CECR2: variants seen among roughly 807,000 people sequenced by gnomAD.
CECR2 encodes the protein CECR2 histone acetyl-lysine reader.
CECR2 carries 30 observed loss-of-function variants against 154.5 expected under a neutral mutation model. The observed-to-expected ratio is 0.19, with a 90% confidence interval of 0.15 to 0.26. The LOEUF (loss-of-function observed/expected upper bound fraction) is 0.26, where lower values mean the gene tolerates loss of function less well. Ranked by LOEUF, CECR2 falls within the 10% of genes least tolerant of loss-of-function variation. CECR2 has a pLI of 1.00. For synonymous variants in CECR2, 725 were observed against 683.7 expected, an observed-to-expected ratio of 1.06 and a Z score of -0.94; for missense variants, 1,743 against 1,829.3, an observed-to-expected ratio of 0.95 and a Z score of 0.86.
chr22:17,430,295 G>A (rs1569077644), intron 1 of CECR2, among the ~76,000 whole-genome samples: 1 of 152,104 alleles, frequency 6.6e-6, no homozygotes, highest in Non-Finnish European at 1.5e-5. Flanking sequence ...TGGTGTGCAC[G>A]GGTTCCTGAT....
intron 2 of CECR2, among the ~76,000 whole-genome samples, chr22:17,494,328 A>C (rs2055583129): frequency 6.6e-6 from 1 of 152,242 alleles, no homozygotes; most frequent in African/African-American, 2.4e-5. Context: ...CTGGGATTAC[A>C]GGCGTGAGCC....
At chr22:17,433,234 A>T (rs2054453878) in intron 1 of CECR2, among the ~76,000 whole-genome samples, 1 of 152,222 alleles carries the variant, frequency 6.6e-6, no homozygotes. Flanking sequence ...CACTTTTCAC[A>T]TGTAGTCTGT....
upstream of CECR2, among the ~76,000 whole-genome samples, chr22:17,366,389 A>G (rs1746533254): frequency 6.6e-6 from 1 of 152,064 alleles, no homozygotes; most frequent in African/African-American, 2.4e-5. Context: ...GAGTTTCACC[A>G]TGTTGGCTAG....
chr22:17,498,090 A>G (rs1382243251), intron 3 of CECR2, among the ~76,000 whole-genome samples: 2 of 152,196 alleles, frequency 1.3e-5, no homozygotes, highest in African/African-American at 4.8e-5. Flanking sequence ...TTATCTGTTT[A>G]GAAGTATATC....
At position 17,418,737 on chromosome 22, in the gene CECR2, C is replaced by G; in HGVS notation, c.126+48828C>G. ...GATTTGGGCAAAGACCCCAATGGAC[C>G]CATCCATTCCTCGACTCTGTTGGAG... On this transcript the variant is annotated intron_variant, in intron 1 of 18. Coordinates refer to ENST00000262608, the MANE Select transcript of CECR2 (RefSeq NM_001290047.2). The G allele has an allele frequency of 1.0e-5, 5 of 479,242 alleles. No homozygotes were observed. In the Admixed American group the frequency reaches 2.1e-4, roughly 20 times the overall value. 29.7% of individuals were successfully genotyped at this position (479,242 alleles called of 1,614,324 possible). A position where few individuals can be genotyped will look rare whatever the true frequency, so the allele number is the denominator to read the frequency against.
At chr22:17,537,551 C>T (rs140712811) in intron 10 of CECR2, among the ~76,000 whole-genome samples, 1 of 152,336 alleles carries the variant, frequency 6.6e-6, no homozygotes, top group East Asian at 1.9e-4. Flanking sequence ...AAAGTAATTA[C>T]TTCCCGTGAC....
chr22:17,405,825 C>A lies in CECR2; in HGVS notation c.126+35916C>A, dbSNP rs550921445. On this transcript the variant is annotated intron_variant, in intron 1 of 18. Transcript: ENST00000262608. ...TCTGTAAATAAAAATAGTTTTGCATCTTTTTGCAATGTGGAAGCCACTACT... is the reference window on the plus strand; with the variant it reads ...TCTGTAAATAAAAATAGTTTTGCATATTTTTGCAATGTGGAAGCCACTACT... Among the ~76,000 whole-genome samples, 8 of 152,138 alleles carry A rather than the reference C, an allele frequency of 5.3e-5. No homozygotes were observed. In the East Asian group the frequency reaches 7.7e-4, roughly 15 times the overall value.
chr22:17,506,804 C>T (rs2055855567), intron 7 of CECR2, among the ~76,000 whole-genome samples: 2 of 152,128 alleles, frequency 1.3e-5, no homozygotes, highest in Non-Finnish European at 2.9e-5. Flanking sequence ...TAGGCGTGCG[C>T]CACCATGCCT....
chr22:17,454,669 G>C (rs539809155), intron 1 of CECR2, among the ~76,000 whole-genome samples: 2 of 150,996 alleles, frequency 1.3e-5, no homozygotes, highest in African/African-American at 4.9e-5. Flanking sequence ...CAGGTCTGTT[G>C]CCCTTGATGA....
chr22:17,556,476 A>G lies in CECR2; in HGVS notation c.*3636A>G, dbSNP rs1435355980. On this transcript the variant is annotated 3_prime_UTR_variant, in exon 19 of 19. Coordinates refer to ENST00000262608, the MANE Select transcript of CECR2 (RefSeq NM_001290047.2). ...ATTTTTGCTGATTCCTACTGCTGGC[A>G]GATGCCATCCCAGGCCCACAAAATC... The G allele has an allele frequency of 6.6e-6, 1 of 152,174 alleles. No individual in the cohort carries two copies. The highest frequency in any genetic ancestry group is 1.9e-4 in the East Asian group (1 of 5,198). The allele number at this position is 152,174 out of a possible 1,614,324, so 9.4% of individuals were successfully genotyped here.
At chr22:17,419,525 AGAAG>A (rs2054210427) in intron 1 of CECR2, 5 of 185,006 alleles carry the variant, frequency 2.7e-5, no homozygotes, top group Middle Eastern at 6.2e-4. Flanking sequence ...AAGAAGAAGA[AGAAG>A]AGGAAGAGGA....
At position 17,549,469 on chromosome 22, in the gene CECR2, A is replaced by G; in HGVS notation, c.4182A>G (p.Glu1394=). 6.2e-7 allele frequency: 1 copy of G among 1,611,306 alleles called. No homozygotes were observed. Among genetic ancestry groups the G allele is most frequent in the East Asian group, 2.2e-5 (1 of 44,852 alleles). The change falls in exon 17 of 19, where the codon GAA becomes GAG. Residue 1394 remains glutamate, a synonymous_variant. Coordinates refer to ENST00000262608, the MANE Select transcript of CECR2 (RefSeq NM_001290047.2). ...SQEGPIYRCQ[E]EGLGHFQAVM... is the part of the protein sequence containing the mutation. ...AGGGTCCCATCTATCGCTGCCAGGA[A>G]GAAGGCCTGGGTCACTTTCAAGCTG...
chr22:17,401,765 G>A (rs755034441), intron 1 of CECR2, among the ~76,000 whole-genome samples: 23 of 151,712 alleles, frequency 1.5e-4, no homozygotes, highest in Non-Finnish European at 2.8e-4. Context: ...ACATGCCTCC[G>A]TTTCTCTTGG....
rs1316914049 is a variant in CECR2 at position 17,557,983 on chromosome 22, AT to A, written c.*5145del. 1 of 152,186 alleles carries A rather than the reference AT, an allele frequency of 6.6e-6. No individual in the cohort carries two copies. The highest frequency in any genetic ancestry group is 6.5e-5 in the Admixed American group (1 of 15,268). The allele number at this position is 152,186 out of a possible 1,614,324, so 9.4% of individuals were successfully genotyped here. Reference sequence around the variant, plus strand: ...GTGTATATTTTGTCGTGGTCTGCTGATTCCCTGTTTCACTGAGAGCGACACT... The same window carrying A: ...GTGTATATTTTGTCGTGGTCTGCTGATCCCTGTTTCACTGAGAGCGACACT... On this transcript the variant is annotated 3_prime_UTR_variant, in exon 19 of 19. Coordinates refer to ENST00000262608, the MANE Select transcript of CECR2 (RefSeq NM_001290047.2).
At chr22:17,437,992 T>G (rs910536549) in intron 1 of CECR2, among the ~76,000 whole-genome samples, 1 of 152,210 alleles carries the variant, frequency 6.6e-6, no homozygotes, top group Admixed American at 6.5e-5. Context: ...TAATGAAAAT[T>G]TTTTTCTGTG....
At chr22:17,375,882 G>T (rs928172565) in intron 1 of CECR2, among the ~76,000 whole-genome samples, 15 of 151,990 alleles carry the variant, frequency 9.9e-5, no homozygotes, top group African/African-American at 3.6e-4. Flanking sequence ...TTGGAGCCGG[G>T]AGACGGAGGT....
intron 1 of CECR2, among the ~76,000 whole-genome samples, chr22:17,404,014 CT>C (rs2053935741): frequency 9.4e-6 from 1 of 106,070 alleles, no homozygotes; most frequent in African/African-American, 3.4e-5. Flanking sequence ...AATCCTAGCA[CT>C]TTGGGAGATG....
chr22:17,379,468 A>G (rs1231510609), intron 1 of CECR2, among the ~76,000 whole-genome samples: 3 of 152,054 alleles, frequency 2.0e-5, no homozygotes, highest in Non-Finnish European at 2.9e-5. Context: ...AGCGGCTGCC[A>G]TTGCCTGTCA....
intron 1 of CECR2, among the ~76,000 whole-genome samples, chr22:17,412,774 G>A (rs186248584): frequency 8.5e-5 from 13 of 152,162 alleles, no homozygotes; most frequent in Admixed American, 5.2e-4. Flanking sequence ...GGTGGCGGGC[G>A]GCCTTCTGGG....
Sources: gnomAD v4.1 joint callset for allele counts (sites outside exome capture counted in the v4.1 genomes callset) on GRCh38, gnomAD v4.1.1 for gene constraint, MANE v1.5 for transcripts, NCBI Gene and HGNC (gene_info 2026-07-23, HGNC 2026-07-21) for gene names.